The following SYNE2 variants were observed in gnomAD, a reference collection of about 807,000 sequenced individuals.
SYNE2 encodes the protein spectrin repeat containing nuclear envelope protein 2, also known as nesprin-2.
In SYNE2, 431 loss-of-function variants were observed where a neutral mutation model predicts 856.3. The ratio of observed to expected loss-of-function variants is 0.50; its 90% CI spans 0.47 to 0.55. SYNE2 has a LOEUF of 0.55. Ranked by LOEUF, SYNE2 falls within the 20% of genes least tolerant of loss-of-function variation. The probability of loss-of-function intolerance (pLI) is 0.00; values close to 1 mark genes in which losing one functional copy is unlikely to be tolerated. For synonymous variants in SYNE2, 2,923 were observed against 2,872.3 expected (o/e 1.02, Z -0.56); for missense variants, 8,129 against 8,023.2 (o/e 1.01, Z -0.50).
chr14:64,203,682 A>G (rs1476455211), intron 100 of SYNE2, among the ~76,000 whole-genome samples: 1 of 151,806 alleles, frequency 6.6e-6, no homozygotes, highest in Non-Finnish European at 1.5e-5. Flanking sequence ...AGCTAAGTTT[A>G]TCTTATTCTT....
In SYNE2 at chr14:63,927,781, A is replaced by T. The variant is rs532702147; in HGVS notation, c.80-12833A>T. Among the ~76,000 whole-genome samples the T allele has an allele frequency of 4.6e-5, 7 of 151,792 alleles. No homozygotes were observed. In the South Asian group the frequency reaches 1.5e-3, roughly 32 times the overall value. On this transcript the variant is annotated intron_variant, in intron 2 of 115. Transcript: ENST00000555002. ...GGGTCGCGCGCCTGCAGTCCCAGCTACTCGGGAGCCTGAGGCAGGAGAATT... is the reference window on the plus strand; with the variant it reads ...GGGTCGCGCGCCTGCAGTCCCAGCTTCTCGGGAGCCTGAGGCAGGAGAATT...
chr14:64,059,550 G>T (rs937037774), intron 49 of SYNE2, among the ~76,000 whole-genome samples: 1 of 152,244 alleles, frequency 6.6e-6, no homozygotes, highest in Admixed American at 6.5e-5. Context: ...GAGCTGCCTA[G>T]AGCTGGGGTA....
rs568284847 is a variant in SYNE2, at chr14:64,062,098, T to C, written c.10068-653T>C. Among the ~76,000 whole-genome samples the C allele has an allele frequency of 2.0e-5, 3 of 152,284 alleles. 1 individual carries two copies. In the South Asian group the frequency reaches 6.2e-4, roughly 32 times the overall value. On this transcript the variant is annotated intron_variant, in intron 49 of 115. Transcript: ENST00000555002. ...TAATTTTAGTGTTTTAAAATATATA[T>C]GCTATATATAAAATATCAAATATCC... is the stretch of plus-strand genomic sequence containing the variant.
intron 1 of SYNE2, among the ~76,000 whole-genome samples, chr14:63,857,910 ATTTTGTGC>A (rs1892285374): frequency 6.6e-6 from 1 of 152,046 alleles, no homozygotes; most frequent in Admixed American, 6.6e-5. Context: ...ATCTTAGTCC[ATTTTGTGC>A]TGCCATTACA....
chr14:64,000,090 A>G (rs1480047319), intron 27 of SYNE2, among the ~76,000 whole-genome samples: 1 of 152,240 alleles, frequency 6.6e-6, no homozygotes, highest in Non-Finnish European at 1.5e-5. Flanking sequence ...AAGCATCAAG[A>G]TAAGGAGCTG....
Position 64,098,204 on chromosome 14 carries a change from G to C in SYNE2, c.12306+58G>C, listed in dbSNP as rs2097693104. On this transcript the variant is annotated intron_variant, in intron 62 of 115. Coordinates refer to ENST00000555002, the MANE Select transcript of SYNE2 (RefSeq NM_182914.3). ...CACTCCACAAGAGCATTAATGGGTA[G>C]TGTTTTCCACCTGAACGACCTGTGG... 3.2e-6 allele frequency: 5 copies of C among 1,585,042 alleles called. No homozygotes were observed. In the Admixed American group the frequency reaches 8.4e-5, roughly 27 times the overall value.
chr14:63,984,763 A>T (rs1245339037), intron 18 of SYNE2, among the ~76,000 whole-genome samples: 1 of 152,228 alleles, frequency 6.6e-6, no homozygotes, highest in Non-Finnish European at 1.5e-5. Flanking sequence ...GGCATGATGG[A>T]GTGCCAGCAT....
At chr14:64,093,940 TG>T (rs2097653146) in intron 61 of SYNE2, among the ~76,000 whole-genome samples, 1 of 152,210 alleles carries the variant, frequency 6.6e-6, no homozygotes, top group Admixed American at 6.5e-5. Flanking sequence ...GTAGGCAGGC[TG>T]GGCTTCAGCA....
intron 8 of SYNE2, chr14:63,960,823 CTGTTTGAGGCCAGG>C (rs932475531): frequency 2.0e-5 from 15 of 756,666 alleles, no homozygotes; most frequent in Non-Finnish European, 3.4e-5. Context: ...GATTGGAGGA[CTGTTTGAGGCCAGG>C]AGTTTGAGAC....
intron 53 of SYNE2, 186 bp from the exon 54 acceptor site, chr14:64,075,759 T>TAGAA: frequency 1.7e-6 from 1 of 598,754 alleles, no homozygotes; most frequent in Non-Finnish European, 3.0e-6. Context: ...TCTTACAAAT[T>TAGAA]AGAAAGCATC....
intron 10 of SYNE2, among the ~76,000 whole-genome samples, chr14:63,964,411 G>A (rs75204969): frequency 0.016 from 2,382 of 152,352 alleles, 24 homozygotes; most frequent in Middle Eastern, 0.031. Flanking sequence ...GAGTTGAGTA[G>A]TCGTGATAGA....
intron 100 of SYNE2, among the ~76,000 whole-genome samples, chr14:64,205,313 A>G (rs974890711): frequency 6.6e-6 from 1 of 152,138 alleles, no homozygotes; most frequent in African/African-American, 2.4e-5. Context: ...CAGTGTGTTT[A>G]TATTATGCTA....
Position 64,158,664 on chromosome 14 carries a change from G to C in SYNE2, c.15832G>C (p.Glu5278Gln), listed in dbSNP as rs1332834631. 6.2e-7 allele frequency: 1 copy of C among 1,613,960 alleles called. No individual in the cohort carries two copies. The highest frequency in any genetic ancestry group is 1.1e-5 in the South Asian group (1 of 91,062). Reference sequence around the variant, plus strand: ...AACCTCCATGCAGTCAGTTTTACAGGAGTGGAAGATTTATGATCAACTCTA... The same window carrying C: ...AACCTCCATGCAGTCAGTTTTACAGCAGTGGAAGATTTATGATCAACTCTA... ...LKTSMQSVLQ[E>Q]WKIYDQLYDE... The change falls in exon 86 of 116, where the codon GAG (glutamate) becomes CAG (glutamine). Residue 5278 changes from glutamate (E) to glutamine (Q), a missense_variant. Coordinates refer to ENST00000555002, the MANE Select transcript of SYNE2 (RefSeq NM_182914.3).
intron 1 of SYNE2, among the ~76,000 whole-genome samples, chr14:63,837,615 T>C (rs976368837): frequency 1.4e-4 from 22 of 152,056 alleles, no homozygotes; most frequent in African/African-American, 5.3e-4. Flanking sequence ...AACAATTCAA[T>C]TTAAAAAATG....
At position 64,188,546 on chromosome 14, in the gene SYNE2, G is replaced by T; in HGVS notation, c.17713-4G>T. On this transcript the variant is annotated splice_region_variant and splice_polypyrimidine_tract_variant and intron_variant, in intron 97 of 115. Coordinates refer to ENST00000555002, the MANE Select transcript of SYNE2 (RefSeq NM_182914.3). The stretch of plus-strand genomic sequence containing the variant: ...TCAGCTGCCAAATGTATTTTCATTT[G>T]CAGGTGGCCATACGTAAACAGGAGA... The T allele has an allele frequency of 6.2e-7, 1 of 1,614,164 alleles. No individual in the cohort carries two copies. Among genetic ancestry groups the T allele is most frequent in the South Asian group, 1.1e-5 (1 of 91,078 alleles).
At chr14:64,080,417 A>G in intron 55 of SYNE2, 39 bp from the exon 56 acceptor site, 1 of 1,605,970 alleles carries the variant, frequency 6.2e-7, no homozygotes, top group Non-Finnish European at 8.5e-7. Flanking sequence ...ATAAACTATG[A>G]CCTCTTCATT....
At chr14:64,197,776 T>G (rs1255994) in intron 99 of SYNE2, among the ~76,000 whole-genome samples, 9,684 of 152,216 alleles carry the variant, frequency 0.064, 552 homozygotes, top group East Asian at 0.34. Context: ...TTAGGCTTGG[T>G]ATATAGAATG....
intron 1 of SYNE2, among the ~76,000 whole-genome samples, chr14:63,877,834 C>A (rs1000370951): frequency 2.7e-5 from 4 of 150,696 alleles, no homozygotes; most frequent in African/African-American, 9.8e-5. Context: ...TAAGGTGTGG[C>A]GTTCTGTATT....
rs535855390 is a variant in SYNE2 at position 64,099,883 on chromosome 14, A to G, written c.12381+1062A>G. On this transcript the variant is annotated intron_variant, in intron 63 of 115. Transcript: ENST00000555002. ...CATCTAGCATTAGGTATATCTCCCA[A>G]TGCTATCCCTTCCCCCTCCCCCTAA... is the stretch of plus-strand genomic sequence containing the variant. The G allele has an allele frequency of 3.9e-5, 6 of 152,154 alleles. 1 individual carries two copies. Among genetic ancestry groups the G allele is most frequent in the African/African-American group, 1.4e-4 (6 of 41,496 alleles). 9.4% of individuals were successfully genotyped at this position (152,154 alleles called of 1,614,324 possible).
Sources: gnomAD v4.1 joint callset for allele counts (sites outside exome capture counted in the v4.1 genomes callset) on GRCh38, gnomAD v4.1.1 for gene constraint, MANE v1.5 for transcripts, NCBI Gene and HGNC (gene_info 2026-07-23, HGNC 2026-07-21) for gene names.